GBX1: variants seen among roughly 807,000 people sequenced by gnomAD.
GBX1 encodes the protein gastrulation brain homeobox 1.
A neutral mutation model predicts 22.9 loss-of-function variants in GBX1; 9 were observed. The ratio of observed to expected loss-of-function variants is 0.39; its 90% confidence interval spans 0.24 to 0.69. The LOEUF is 0.69. Among genes scored for constraint, GBX1 ranks in the 30% least tolerant of loss-of-function variants. GBX1 has a pLI of 0.43. For missense variants in GBX1, 494 were observed against 509.2 expected (o/e 0.97, Z 0.29); for synonymous variants, 203 against 227.3 (o/e 0.89, Z 0.96).
chr7:151,155,793 G>T (rs1012699859), intron 1 of GBX1, among the ~76,000 whole-genome samples: 1 of 152,100 alleles, frequency 6.6e-6, no homozygotes, highest in Admixed American at 6.5e-5. Context: ...TCTTCAAGCA[G>T]TTGACTGACG....
chr7:151,150,213 T>C (rs1801061939), intron 1 of GBX1, among the ~76,000 whole-genome samples: 1 of 152,280 alleles, frequency 6.6e-6, no homozygotes, highest in African/African-American at 2.4e-5. Context: ...TTGTATCCAA[T>C]GATGTTTATA....
At chr7:151,166,035 G>A (rs1249280684) in intron 1 of GBX1, among the ~76,000 whole-genome samples, 2 of 152,102 alleles carry the variant, frequency 1.3e-5, no homozygotes, top group Non-Finnish European at 1.5e-5. Context: ...CTTGCAAGTG[G>A]TGCCTATTTT....
At position 151,167,244 on chromosome 7, in the gene GBX1, G is replaced by T; in HGVS notation, c.305C>A (p.Thr102Asn). Residue 102 changes from threonine to asparagine, a missense_variant, in exon 1 of 2, where the codon ACC becomes AAC. This residue lies in a region of GBX1 where 365 missense variants were observed against 340.4 expected (regional missense o/e 1.07). Transcript: ENST00000297537. The surrounding 1 kb of genome is among the most constrained non-coding windows in gnomAD (Gnocchi z 5.9). ...CTCCGCGAAGCTGGGCAGCGCGGTGGTCAGCGCCACCATCGAGGGCACAGC... is the reference window on the plus strand; with the variant it reads ...CTCCGCGAAGCTGGGCAGCGCGGTGTTCAGCGCCACCATCGAGGGCACAGC... ...GQAVPSMVAL[T>N]TALPSFAEPP... The T allele has an allele frequency of 6.4e-7, 1 of 1,551,416 alleles. No homozygotes were observed.
chr7:151,155,249 A>T (rs1277810610), intron 1 of GBX1, among the ~76,000 whole-genome samples: 1 of 152,078 alleles, frequency 6.6e-6, no homozygotes, highest in Non-Finnish European at 1.5e-5. Context: ...CCAACTACTC[A>T]TCTCCCTGAA....
chr7:151,155,392 T>C (rs1365677466), intron 1 of GBX1, among the ~76,000 whole-genome samples: 4 of 152,216 alleles, frequency 2.6e-5, no homozygotes, highest in African/African-American at 9.7e-5. Flanking sequence ...TATTTCTCTG[T>C]TCTTTTCAAA....
Position 151,167,336 on chromosome 7 carries a change from C to T in GBX1, c.213G>A (p.Pro71=). ...LAPAPLPAGL[P]PLAPLASFAG... is the part of the protein sequence containing the mutation. ...CGAAAGAGGCTAGCGGGGCGAGGGG[C>T]GGGAGGCCAGCGGGCAGCGGCGCAG... is the stretch of plus-strand genomic sequence containing the variant. Residue 71 remains proline (P), a synonymous_variant, in exon 1 of 2, where the codon CCG becomes CCA. Coordinates refer to ENST00000297537, the MANE Select transcript of GBX1 (RefSeq NM_001098834.3). The surrounding 1 kb of genome is among the most constrained non-coding windows in gnomAD (Gnocchi z 5.9). 1 of 1,511,922 alleles carries T rather than the reference C, an allele frequency of 6.6e-7. No individual in the cohort carries two copies. Among genetic ancestry groups the T allele is most frequent in the Non-Finnish European group, 8.8e-7 (1 of 1,133,370 alleles). The allele number at this position is 1,511,922 out of a possible 1,614,324, so 93.7% of individuals were successfully genotyped here. A position where few individuals can be genotyped will look rare whatever the true frequency, so the allele number is the denominator to read the frequency against.
intron 1 of GBX1, among the ~76,000 whole-genome samples, chr7:151,164,776 CTTTTTT>C (rs71533521): frequency 8.6e-5 from 9 of 104,404 alleles, no homozygotes; most frequent in Admixed American, 1.2e-4. Context: ...AAATTTCCCT[CTTTTTT>C]TTTTTTTTTT....
At chr7:151,165,469 C>A (rs1286765459) in intron 1 of GBX1, among the ~76,000 whole-genome samples, 3 of 152,206 alleles carry the variant, frequency 2.0e-5, no homozygotes, top group African/African-American at 7.2e-5. Flanking sequence ...TCTTTGATGG[C>A]CTGTCTTACT....
At chr7:151,156,670 G>A (rs1801139027) in intron 1 of GBX1, among the ~76,000 whole-genome samples, 1 of 152,018 alleles carries the variant, frequency 6.6e-6, no homozygotes, top group African/African-American at 2.4e-5. Context: ...AATCTTACCA[G>A]TCAGTGCTTC....
chr7:151,149,722 C>T (rs924910546), intron 1 of GBX1: 33 of 337,098 alleles, frequency 9.8e-5, no homozygotes, highest in African/African-American at 5.7e-4. Context: ...GCCCAGCTGA[C>T]GAGAGCTGTC....
Position 151,167,452 on chromosome 7 carries a change from G to A in GBX1, c.97C>T (p.Pro33Ser). ...TAFSIDSLIG[P>S]PPPRSGHLLY... ...AAGTGGCCGGAGCGCGGCGGCGGCGGCCCGATTAGGGAGTCGATGGAGAAG... is the reference window on the plus strand; with the variant it reads ...AAGTGGCCGGAGCGCGGCGGCGGCGACCCGATTAGGGAGTCGATGGAGAAG... The change falls in exon 1 of 2, where the codon CCG (proline) becomes TCG (serine). Residue 33 changes from proline to serine, a missense_variant. Physicochemically the swap from Pro to Ser is moderately conservative, Grantham distance 74. Around this residue, in one of 3 missense-constraint regions of GBX1, gnomAD observed 365 missense variants for 340.4 expected, o/e 1.07. Transcript: ENST00000297537. The surrounding 1 kb of genome is among the most constrained non-coding windows in gnomAD (Gnocchi z 5.9). 1 of 1,515,812 alleles carries A rather than the reference G, an allele frequency of 6.6e-7. No homozygotes were observed. The highest frequency in any genetic ancestry group is 1.2e-5 in the South Asian group (1 of 81,156). 93.9% of individuals were successfully genotyped at this position (1,515,812 alleles called of 1,614,324 possible). A position where few individuals can be genotyped will look rare whatever the true frequency, so the allele number is the denominator to read the frequency against.
At chr7:151,158,145 A>G (rs117304106) in intron 1 of GBX1, among the ~76,000 whole-genome samples, 1 of 152,308 alleles carries the variant, frequency 6.6e-6, no homozygotes, top group East Asian at 1.9e-4. Context: ...CAACCCGAAG[A>G]GTTCTGACTA....
chr7:151,156,154 C>T (rs1013017033), intron 1 of GBX1, among the ~76,000 whole-genome samples: 4 of 151,934 alleles, frequency 2.6e-5, no homozygotes, highest in Admixed American at 6.6e-5. Context: ...GAAGCCAAGG[C>T]GGGCAGATCA....
chr7:151,163,106 T>C (rs950417437), intron 1 of GBX1, among the ~76,000 whole-genome samples: 4 of 152,012 alleles, frequency 2.6e-5, no homozygotes, highest in African/African-American at 9.7e-5. Flanking sequence ...GCGCCCAGCT[T>C]TCTACATTTC....
At position 151,156,414 on chromosome 7, in the gene GBX1, A is replaced by AC. The variant is rs1801135653; in HGVS notation, c.539-7273_539-7272insG. ...AAAAAAAAAAAAAAAAAAAAAAAAA[A>AC]AACGAAAAAAAAGAGAGAGAAAGAA... On this transcript the variant is annotated intron_variant, in intron 1 of 1. Transcript: ENST00000297537. Among the ~76,000 whole-genome samples, 3 of 145,538 alleles carry AC rather than the reference A, an allele frequency of 2.1e-5. No homozygotes were observed. The East Asian group carries it at 6.2e-4, about 30-fold the overall frequency.
At chr7:151,156,662 T>A (rs915355441) in intron 1 of GBX1, among the ~76,000 whole-genome samples, 2 of 152,110 alleles carry the variant, frequency 1.3e-5, no homozygotes, top group Non-Finnish European at 1.5e-5. Flanking sequence ...TATGATGTAA[T>A]CTTACCAGTC....
intron 1 of GBX1, among the ~76,000 whole-genome samples, chr7:151,154,209 A>G (rs1316420115): frequency 2.0e-5 from 3 of 151,810 alleles, no homozygotes; most frequent in African/African-American, 7.3e-5. Context: ...TCTGTCTCGA[A>G]AAAAAAAAGT....
At chr7:151,154,892 C>T (rs1321640385) in intron 1 of GBX1, among the ~76,000 whole-genome samples, 1 of 152,148 alleles carries the variant, frequency 6.6e-6, no homozygotes, top group Non-Finnish European at 1.5e-5. Flanking sequence ...GAACACAATG[C>T]CCTAGACTCA....
At chr7:151,155,387 C>A (rs1030355257) in intron 1 of GBX1, among the ~76,000 whole-genome samples, 3 of 152,198 alleles carry the variant, frequency 2.0e-5, no homozygotes, top group African/African-American at 7.2e-5. Flanking sequence ...AGAATTATTT[C>A]TCTGTTCTTT....
Sources: allele counts gnomAD v4.1 joint callset (sites outside exome capture counted in the v4.1 genomes callset), GRCh38; gene constraint gnomAD v4.1.1; regional missense constraint gnomAD v4.1.1; non-coding constraint Gnocchi (gnomAD v3.1); transcripts MANE v1.5; gene names NCBI Gene and HGNC (gene_info 2026-07-23, HGNC 2026-07-21).